FHOD3: variants seen among roughly 807,000 people sequenced by gnomAD.
FHOD3 encodes formin homology 2 domain containing 3.
In FHOD3, 90 loss-of-function variants were observed where a neutral mutation model predicts 173.0. That is an observed-to-expected ratio of 0.52 (90% CI 0.44 to 0.62). The LOEUF is 0.62. FHOD3 is among the 20% of genes least tolerant of loss of function. The probability of loss-of-function intolerance (pLI) is 0.00; values close to 1 mark genes in which losing one functional copy is unlikely to be tolerated. For synonymous variants in FHOD3, 828 were observed against 823.0 expected, an observed-to-expected ratio of 1.01 and a Z score of -0.10; for missense variants, 1,945 against 2,034.7, an observed-to-expected ratio of 0.96 and a Z score of 0.85.
At chr18:36,756,429 G>C (rs2042637516) in intron 25 of FHOD3, among the ~76,000 whole-genome samples, 1 of 152,152 alleles carries the variant, frequency 6.6e-6, no homozygotes, top group Non-Finnish European at 1.5e-5. Flanking sequence ...AATGAGGAAA[G>C]GATTAAGCCA....
chr18:36,634,730 A>T (rs1263403628), intron 10 of FHOD3, among the ~76,000 whole-genome samples: 1 of 152,136 alleles, frequency 6.6e-6, no homozygotes, highest in Admixed American at 6.5e-5. Context: ...TGTACTCCTT[A>T]ATACGGTGGT....
At chr18:36,411,836 A>G (rs892426519) in intron 3 of FHOD3, among the ~76,000 whole-genome samples, 1 of 152,226 alleles carries the variant, frequency 6.6e-6, no homozygotes, top group Non-Finnish European at 1.5e-5. Context: ...TAGTCCTAAA[A>G]CAAGGCCACC....
At chr18:36,713,920 AAGAT>A (rs2040308956) in intron 18 of FHOD3, among the ~76,000 whole-genome samples, 1 of 152,208 alleles carries the variant, frequency 6.6e-6, no homozygotes, top group African/African-American at 2.4e-5. Flanking sequence ...TTTAAATTAA[AAGAT>A]AGATGGCAGA....
chr18:36,511,807 C>T (rs960380362), intron 4 of FHOD3, among the ~76,000 whole-genome samples: 1 of 152,208 alleles, frequency 6.6e-6, no homozygotes, highest in Non-Finnish European at 1.5e-5. Flanking sequence ...CATGTCCTGC[C>T]TTCTGTGATC....
chr18:36,392,619 A>G (rs190610730), intron 3 of FHOD3, among the ~76,000 whole-genome samples: 3 of 152,320 alleles, frequency 2.0e-5, no homozygotes, highest in African/African-American at 4.8e-5. Flanking sequence ...ACCTAGAGAC[A>G]TGGCAAGACT....
chr18:36,342,561 A>G (rs2045675444), intron 1 of FHOD3, among the ~76,000 whole-genome samples: 1 of 152,244 alleles, frequency 6.6e-6, no homozygotes, highest in East Asian at 1.9e-4. Context: ...TAACAGTTTT[A>G]GAATACTCCA....
chr18:36,310,015 T>G (rs528102240), intron 1 of FHOD3, among the ~76,000 whole-genome samples: 5 of 152,264 alleles, frequency 3.3e-5, no homozygotes, highest in African/African-American at 9.6e-5. Flanking sequence ...GGTGAAAAAA[T>G]GAACTCAGCA....
chr18:36,506,126 T>TA (rs986839143), intron 4 of FHOD3, among the ~76,000 whole-genome samples: 4 of 152,214 alleles, frequency 2.6e-5, no homozygotes, highest in African/African-American at 9.6e-5. Flanking sequence ...GAAATTCTCA[T>TA]AAAAAATAAT....
chr18:36,720,756 C>G (rs57145123), intron 19 of FHOD3, among the ~76,000 whole-genome samples: 1 of 146,040 alleles, frequency 6.8e-6, no homozygotes, highest in South Asian at 2.2e-4. Context: ...TTCTTCTCCT[C>G]CTGCTCCTTC....
chr18:36,602,735 G>A lies in FHOD3; in HGVS notation c.780G>A (p.Glu260=). 6.2e-7 allele frequency: 1 copy of A among 1,614,174 alleles called. No individual in the cohort carries two copies. Among genetic ancestry groups the A allele is most frequent in the Non-Finnish European group, 8.5e-7 (1 of 1,180,004 alleles). Residue 260 remains glutamate, a synonymous_variant, in exon 8 of 29, where the codon GAG becomes GAA. Transcript: ENST00000590592. ...AGGAAAAAGATGGAGTTGATACGGA[G>A]CTACTGGTTTATGCAATGACTTTGG... ...ILEEKDGVDT[E]LLVYAMTLVN...
At chr18:36,731,103 T>G (rs2041336481) in intron 20 of FHOD3, among the ~76,000 whole-genome samples, 1 of 152,202 alleles carries the variant, frequency 6.6e-6, no homozygotes, top group African/African-American at 2.4e-5. Context: ...GGGTCTTGTT[T>G]CATGTCATTT....
intron 3 of FHOD3, among the ~76,000 whole-genome samples, chr18:36,426,497 A>C (rs2147167494): frequency 6.6e-6 from 1 of 152,292 alleles, no homozygotes; most frequent in Middle Eastern, 3.4e-3. Context: ...TGCACAAGTG[A>C]GCAGAGCCTG....
At chr18:36,353,299 C>T (rs763400291) in intron 1 of FHOD3, among the ~76,000 whole-genome samples, 2 of 152,180 alleles carry the variant, frequency 1.3e-5, no homozygotes, top group Non-Finnish European at 2.9e-5. Flanking sequence ...AGGTATTTCT[C>T]ACAAGTAATA....
intron 25 of FHOD3, among the ~76,000 whole-genome samples, chr18:36,757,244 A>G (rs2042668628): frequency 1.3e-5 from 2 of 152,176 alleles, no homozygotes; most frequent in African/African-American, 4.8e-5. Context: ...CTTCGTCAGG[A>G]TTCATTCTCA....
intron 17 of FHOD3, among the ~76,000 whole-genome samples, chr18:36,706,066 C>T (rs780969111): frequency 1.3e-5 from 2 of 151,332 alleles, no homozygotes; most frequent in Non-Finnish European, 2.9e-5. Context: ...TTCTGGAGTT[C>T]GGTGTGGAGT....
chr18:36,495,392 T>A (rs957632486), intron 3 of FHOD3, among the ~76,000 whole-genome samples: 2 of 152,162 alleles, frequency 1.3e-5, no homozygotes, highest in South Asian at 4.1e-4. Flanking sequence ...CCTCCCCTGA[T>A]TGGAGCTGTA....
intron 20 of FHOD3, among the ~76,000 whole-genome samples, chr18:36,736,095 C>T (rs1228062020): frequency 6.6e-6 from 1 of 152,214 alleles, no homozygotes; most frequent in Non-Finnish European, 1.5e-5. Flanking sequence ...ACTTACTCAG[C>T]TTGCAGCTCT....
chr18:36,587,855 T>C (rs1350774070), intron 6 of FHOD3, among the ~76,000 whole-genome samples: 1 of 152,234 alleles, frequency 6.6e-6, no homozygotes, highest in African/African-American at 2.4e-5. Context: ...CTGCTATATT[T>C]TACATTCTGT....
intron 17 of FHOD3, among the ~76,000 whole-genome samples, chr18:36,697,708 C>G (rs1194877183): frequency 6.6e-6 from 1 of 152,176 alleles, no homozygotes; most frequent in Non-Finnish European, 1.5e-5. Context: ...AATGATACTT[C>G]CTGTCACAGA....
Sources: gnomAD v4.1 joint callset for allele counts (sites outside exome capture counted in the v4.1 genomes callset) on GRCh38, gnomAD v4.1.1 for gene constraint, MANE v1.5 for transcripts, NCBI Gene and HGNC (gene_info 2026-07-23, HGNC 2026-07-21) for gene names.